TET1: variants seen among roughly 807,000 people sequenced by gnomAD.
TET1 encodes the protein methylcytosine dioxygenase TET1.
TET1 carries 13 observed loss-of-function variants against 148.7 expected under a neutral mutation model. The ratio of observed to expected loss-of-function variants is 0.09; its 90% CI spans 0.06 to 0.14. TET1 has a LOEUF of 0.14. TET1 is among the 10% of genes least tolerant of loss of function. The probability of loss-of-function intolerance (pLI) is 1.00; values close to 1 mark genes in which losing one functional copy is unlikely to be tolerated. For synonymous variants in TET1, 907 were observed against 937.2 expected (o/e 0.97, Z 0.59); for missense variants, 2,182 against 2,553.8 (o/e 0.85, Z 3.14).
chr10:68,600,867 A>T, intron 2 of TET1, 114 bp from the exon 3 acceptor site: 2 of 798,936 alleles, frequency 2.5e-6, no homozygotes, highest in Admixed American at 5.0e-5. Context: ...AAACATGTTG[A>T]TGATTTTAAA....
intron 3 of TET1, 96 bp downstream of exon 3, chr10:68,601,130 T>G: frequency 9.5e-7 from 1 of 1,058,152 alleles, no homozygotes; most frequent in South Asian, 1.6e-5. Flanking sequence ...TATATGTGAA[T>G]TCTCCCAGAT....
intron 6 of TET1, among the ~76,000 whole-genome samples, chr10:68,654,485 C>T (rs905443453): frequency 1.3e-5 from 2 of 151,310 alleles, no homozygotes; most frequent in Admixed American, 6.6e-5. Context: ...GGCGTGGTGG[C>T]GCGAGCCTAT....
intron 3 of TET1, among the ~76,000 whole-genome samples, chr10:68,634,249 A>G (rs976447019): frequency 2.6e-5 from 4 of 152,126 alleles, no homozygotes; most frequent in Admixed American, 6.6e-5. Flanking sequence ...CTTGCTCTGA[A>G]CTCAGTGTGT....
intron 6 of TET1, among the ~76,000 whole-genome samples, chr10:68,664,961 T>C (rs923896067): frequency 6.6e-6 from 1 of 151,806 alleles, no homozygotes; most frequent in Non-Finnish European, 1.5e-5. Flanking sequence ...TTGTGGAGAC[T>C]GAGTCTCAGT....
At chr10:68,622,999 G>GTTA (rs1215466863) in intron 3 of TET1, among the ~76,000 whole-genome samples, 1 of 152,128 alleles carries the variant, frequency 6.6e-6, no homozygotes, top group Non-Finnish European at 1.5e-5. Context: ...CATTATCTGG[G>GTTA]TTAACTTTGA....
At position 68,595,955 on chromosome 10, in the gene TET1, TATATATACAC is replaced by T. The variant is rs1218684598; in HGVS notation, c.1915-5024_1915-5015del. Among the ~76,000 whole-genome samples, 75 of 33,428 alleles carry T rather than the reference TATATATACAC, an allele frequency of 2.2e-3. 1 individual carries two copies. The highest frequency in any genetic ancestry group is 4.2e-3 in the African/African-American group (49 of 11,702). The allele number at this position is 33,428 out of a possible 152,430, so 21.9% of individuals were successfully genotyped here. On this transcript the variant is annotated intron_variant, in intron 2 of 11. Coordinates refer to ENST00000373644, the MANE Select transcript of TET1 (RefSeq NM_030625.3). The stretch of plus-strand genomic sequence containing the variant: ...ATATATATATATATATATATATATA[TATATATACAC>T]ACACACACACACATATATACACACA...
intron 1 of TET1, among the ~76,000 whole-genome samples, chr10:68,567,541 G>A (rs924781566): frequency 2.6e-5 from 4 of 151,646 alleles, no homozygotes; most frequent in African/African-American, 4.8e-5. Flanking sequence ...TGATCCACCC[G>A]TCTCCGCCTC....
chr10:68,642,261 T>A (rs185824114), intron 3 of TET1, among the ~76,000 whole-genome samples: 13 of 152,130 alleles, frequency 8.5e-5, no homozygotes, highest in Admixed American at 2.6e-4. Flanking sequence ...ACCCTGTCTC[T>A]ACAAAAAATA....
chr10:68,622,119 C>T (rs575062999), intron 3 of TET1, among the ~76,000 whole-genome samples: 25 of 152,072 alleles, frequency 1.6e-4, no homozygotes, highest in Non-Finnish European at 2.6e-4. Context: ...AATATTCCCA[C>T]GAATGTCCTT....
chr10:68,619,856 C>T (rs559161740), intron 3 of TET1, among the ~76,000 whole-genome samples: 5 of 152,108 alleles, frequency 3.3e-5, no homozygotes, highest in Admixed American at 6.6e-5. Flanking sequence ...TCCCCAGTCT[C>T]ATTGAGATAT....
intron 8 of TET1, among the ~76,000 whole-genome samples, chr10:68,680,552 T>C (rs2055422622): frequency 6.6e-6 from 1 of 152,048 alleles, no homozygotes; most frequent in South Asian, 2.1e-4. Flanking sequence ...TTCACCAAGT[T>C]CCCCAGACTG....
At chr10:68,676,258 ATATATATATATTTT>A (rs1221972008) in intron 8 of TET1, among the ~76,000 whole-genome samples, 17 of 36,016 alleles carry the variant, frequency 4.7e-4, no homozygotes, top group African/African-American at 2.9e-3. Flanking sequence ...ATATATATAT[ATATATATATATTTT>A]TTTTTTTTTT....
At chr10:68,638,921 G>GA (rs1295737778) in intron 3 of TET1, among the ~76,000 whole-genome samples, 1 of 151,892 alleles carries the variant, frequency 6.6e-6, no homozygotes, top group Non-Finnish European at 1.5e-5. Context: ...TGGGAATCTG[G>GA]AAAAATGAGA....
chr10:68,587,238 C>T (rs1398594531), intron 2 of TET1, among the ~76,000 whole-genome samples: 1 of 152,128 alleles, frequency 6.6e-6, no homozygotes, highest in Non-Finnish European at 1.5e-5. Flanking sequence ...ATACGCAACA[C>T]CATATTGTGG....
chr10:68,565,440 T>C (rs576240460), intron 1 of TET1, among the ~76,000 whole-genome samples: 8 of 140,394 alleles, frequency 5.7e-5, no homozygotes, highest in Non-Finnish European at 1.1e-4. Flanking sequence ...TTGATATACC[T>C]GAGCGACAGA....
intron 3 of TET1, among the ~76,000 whole-genome samples, chr10:68,638,416 C>T (rs1033805149): frequency 2.0e-5 from 3 of 152,092 alleles, no homozygotes; most frequent in African/African-American, 7.2e-5. Flanking sequence ...TTACTTTATG[C>T]ATTCTCAAGA....
chr10:68,600,441 G>C (rs1464565628), intron 2 of TET1, among the ~76,000 whole-genome samples: 1 of 152,182 alleles, frequency 6.6e-6, no homozygotes, highest in East Asian at 1.9e-4. Context: ...GTGGCTGCCT[G>C]TGTCCTGTGG....
chr10:68,679,425 A>G (rs1466152036), intron 8 of TET1, among the ~76,000 whole-genome samples: 2 of 152,224 alleles, frequency 1.3e-5, no homozygotes, highest in Non-Finnish European at 2.9e-5. Flanking sequence ...GCATACAAAA[A>G]GTATAGAATT....
At chr10:68,627,661 C>T (rs1219467659) in intron 3 of TET1, among the ~76,000 whole-genome samples, 2 of 151,780 alleles carry the variant, frequency 1.3e-5, no homozygotes, top group Admixed American at 1.3e-4. Flanking sequence ...GGCGCGGTGG[C>T]TCACGCTGTA....
Sources: allele counts gnomAD v4.1 joint callset (sites outside exome capture counted in the v4.1 genomes callset), GRCh38; gene constraint gnomAD v4.1.1; transcripts MANE v1.5; gene names NCBI Gene and HGNC (gene_info 2026-07-23, HGNC 2026-07-21).